Variants in KCNMA1 observed in about 807,000 individuals in gnomAD.
KCNMA1 encodes Calcium-activated potassium channel subunit alpha-1.
In KCNMA1, 29 loss-of-function variants were observed where a neutral mutation model predicts 140.0. That is an observed-to-expected ratio of 0.21 (90% CI 0.15 to 0.28). The LOEUF is 0.28. Ranked by LOEUF, KCNMA1 falls within the 10% of genes least tolerant of loss-of-function variation. The pLI, the probability that KCNMA1 is intolerant of heterozygous loss-of-function variation, is 1.00. For missense variants in KCNMA1, 880 were observed against 1,602.2 expected, an observed-to-expected ratio of 0.55 and a Z score of 7.70; for synonymous variants, 612 against 611.9, an observed-to-expected ratio of 1.00 and a Z score of 0.00.
At chr10:77,096,074 T>C (rs1047744536) in intron 9 of KCNMA1, among the ~76,000 whole-genome samples, 2 of 152,222 alleles carry the variant, frequency 1.3e-5, no homozygotes, top group Non-Finnish European at 2.9e-5. Context: ...TCTGAATGAA[T>C]AGCCCTTGGC....
Position 77,337,251 on chromosome 10 carries a change from A to G in KCNMA1, c.540+66611T>C, listed in dbSNP as rs554732788. 8.5e-4 allele frequency among the ~76,000 whole-genome samples: 130 copies of G among 152,336 alleles called. 1 individual carries two copies. Among genetic ancestry groups the G allele is most frequent in the Middle Eastern group, 3.4e-3 (1 of 294 alleles). ...TAATGTTTTGACTTTAGATGGGAAGACAAATATTTACCAAGCATAATATAA... is the reference window on the plus strand; with the variant it reads ...TAATGTTTTGACTTTAGATGGGAAGGCAAATATTTACCAAGCATAATATAA... On this transcript the variant is annotated intron_variant, in intron 2 of 27. Coordinates refer to ENST00000286628, the MANE Select transcript of KCNMA1 (RefSeq NM_001161352.2).
At chr10:77,406,708 G>C (rs2096484206) in intron 1 of KCNMA1, among the ~76,000 whole-genome samples, 2 of 152,122 alleles carry the variant, frequency 1.3e-5, no homozygotes, top group Admixed American at 1.3e-4. Flanking sequence ...AGAACCACCT[G>C]CTTGTTTCAA....
At chr10:77,257,097 A>C in intron 2 of KCNMA1, among the ~76,000 whole-genome samples, 1 of 152,172 alleles carries the variant, frequency 6.6e-6, no homozygotes, top group Non-Finnish European at 1.5e-5. Context: ...GTGACAAGGC[A>C]AGACCCTGTC....
chr10:77,160,354 C>T (rs1400914529), intron 5 of KCNMA1, among the ~76,000 whole-genome samples: 2 of 152,180 alleles, frequency 1.3e-5, no homozygotes, highest in East Asian at 1.9e-4. Flanking sequence ...TTAGTTAAGG[C>T]TTTTCCATGT....
intron 3 of KCNMA1, among the ~76,000 whole-genome samples, chr10:77,195,188 C>T (rs574970791): frequency 6.6e-6 from 1 of 152,214 alleles, no homozygotes; most frequent in South Asian, 2.1e-4. Context: ...GTCTTAGCTC[C>T]GTCTTTGGCT....
intron 5 of KCNMA1, among the ~76,000 whole-genome samples, chr10:77,152,699 C>T (rs760144043): frequency 1.3e-5 from 2 of 152,162 alleles, no homozygotes; most frequent in Non-Finnish European, 2.9e-5. Context: ...CACAAGCAAG[C>T]TTCAGTGACT....
intron 2 of KCNMA1, among the ~76,000 whole-genome samples, chr10:77,282,302 C>T (rs1175689489): frequency 2.0e-5 from 3 of 152,166 alleles, no homozygotes; most frequent in Non-Finnish European, 4.4e-5. Flanking sequence ...CCAGGCTGCA[C>T]TTTCCTCCAT....
intron 5 of KCNMA1, among the ~76,000 whole-genome samples, chr10:77,160,478 T>G (rs1827933898): frequency 6.6e-6 from 1 of 152,200 alleles, no homozygotes; most frequent in Admixed American, 6.5e-5. Context: ...AGAACATAAC[T>G]CATCCCATCT....
In KCNMA1 at chr10:76,885,846, GA is replaced by G. The variant is rs752555408; in HGVS notation, c.*1419del. On this transcript the variant is annotated 3_prime_UTR_variant, in exon 28 of 28. Coordinates refer to ENST00000286628, the MANE Select transcript of KCNMA1 (RefSeq NM_001161352.2). ...TGCTTACTAAGTGTTAAAAAAGAAA[GA>G]AAACAAAAGAAGAAAAAAATAACTA... is the stretch of plus-strand genomic sequence containing the variant. 1.1e-5 allele frequency: 11 copies of G among 984,932 alleles called. No individual in the cohort carries two copies. The highest frequency in any genetic ancestry group is 1.3e-5 in the Non-Finnish European group (11 of 829,646). 61.0% of individuals were successfully genotyped at this position (984,932 alleles called of 1,614,324 possible).
chr10:76,969,310 G>GAAGGAAGA (rs2075269145), intron 20 of KCNMA1, among the ~76,000 whole-genome samples: 1 of 150,318 alleles, frequency 6.7e-6, no homozygotes, highest in Non-Finnish European at 1.5e-5. Flanking sequence ...GGGAAGGAAG[G>GAAGGAAGA]AAGGAAGGAA....
intron 1 of KCNMA1, among the ~76,000 whole-genome samples, chr10:77,583,716 G>T (rs1057135195): frequency 5.3e-5 from 8 of 152,202 alleles, no homozygotes; most frequent in Non-Finnish European, 7.3e-5. Flanking sequence ...TGAAGAGGAA[G>T]TGGGTGTTGA....
intron 3 of KCNMA1, among the ~76,000 whole-genome samples, chr10:77,241,132 G>C (rs968062177): frequency 1.3e-5 from 2 of 152,074 alleles, no homozygotes; most frequent in African/African-American, 2.4e-5. Flanking sequence ...CATTGAAGGG[G>C]TTTAGTATAA....
chr10:76,883,124 T>C (rs931931439), downstream of KCNMA1, among the ~76,000 whole-genome samples: 4 of 152,132 alleles, frequency 2.6e-5, no homozygotes, highest in Non-Finnish European at 4.4e-5. Context: ...ATACTCAGTG[T>C]CTCTACTCAT....
intron 23 of KCNMA1, among the ~76,000 whole-genome samples, chr10:76,937,043 A>G (rs967973267): frequency 6.6e-6 from 1 of 152,238 alleles, no homozygotes; most frequent in African/African-American, 2.4e-5. Flanking sequence ...AAAGGACCAC[A>G]GAACTCATCT....
chr10:77,489,558 C>G (rs1032163421), intron 1 of KCNMA1, among the ~76,000 whole-genome samples: 60 of 152,128 alleles, frequency 3.9e-4, no homozygotes, highest in Non-Finnish European at 4.4e-5. Context: ...AGGTTGACCT[C>G]GAACTCCTGA....
At chr10:77,521,328 C>A (rs2053308207) in intron 1 of KCNMA1, among the ~76,000 whole-genome samples, 1 of 152,214 alleles carries the variant, frequency 6.6e-6, no homozygotes, top group South Asian at 2.1e-4. Context: ...CCCTGATACC[C>A]ATCTTCCATC....
chr10:77,439,369 A>G (rs2097346077), intron 1 of KCNMA1, among the ~76,000 whole-genome samples: 2 of 152,190 alleles, frequency 1.3e-5, no homozygotes, highest in Non-Finnish European at 2.9e-5. Context: ...AGATGTTGCC[A>G]TTTCTGAATT....
intron 1 of KCNMA1, among the ~76,000 whole-genome samples, chr10:77,606,232 C>T (rs899985887): frequency 1.3e-5 from 2 of 152,186 alleles, no homozygotes; most frequent in African/African-American, 4.8e-5. Flanking sequence ...CTAAGTCCCA[C>T]TCTGACCTGT....
chr10:77,265,756 A>AAAAACAAAAC (rs372390508), intron 2 of KCNMA1, among the ~76,000 whole-genome samples: 1 of 152,046 alleles, frequency 6.6e-6, no homozygotes, highest in African/African-American at 2.4e-5. Flanking sequence ...CATGGCTGCT[A>AAAAACAAAAC]AAAACAAAAC....
Sources: allele counts gnomAD v4.1 joint callset (sites outside exome capture counted in the v4.1 genomes callset), GRCh38; gene constraint gnomAD v4.1.1; transcripts MANE v1.5; gene names NCBI Gene and HGNC (gene_info 2026-07-23, HGNC 2026-07-21).